MTUS2: variants seen among roughly 807,000 people sequenced by gnomAD.
MTUS2 encodes the protein microtubule associated scaffold protein 2.
In MTUS2, 40 loss-of-function variants were observed where a neutral mutation model predicts 114.1. That is an observed-to-expected ratio of 0.35 (90% CI 0.27 to 0.46). The LOEUF (loss-of-function observed/expected upper bound fraction) is 0.46. MTUS2 is among the 20% of genes least tolerant of loss of function. The pLI, the probability that MTUS2 is intolerant of heterozygous loss-of-function variation, is 1.00. For missense variants in MTUS2, 1,679 were observed against 1,705.4 expected, an observed-to-expected ratio of 0.98 and a Z score of 0.27; for synonymous variants, 688 against 672.0, an observed-to-expected ratio of 1.02 and a Z score of -0.37.
At chr13:28,913,941 G>A (rs2984451) in intron 2 of MTUS2, among the ~76,000 whole-genome samples, 19,373 of 152,120 alleles carry the variant, frequency 0.13, 1,485 homozygotes, top group African/African-American at 0.2. Flanking sequence ...TTGTATTTCT[G>A]TGGGGTCAGT....
intron 5 of MTUS2, among the ~76,000 whole-genome samples, chr13:29,235,443 T>G (rs1896500794): frequency 6.6e-6 from 1 of 152,204 alleles, no homozygotes; most frequent in African/African-American, 2.4e-5. Flanking sequence ...AAAAAAGTTC[T>G]CATTTTAACT....
chr13:28,882,344 G>T lies in MTUS2; in HGVS notation c.-243+42494G>T, dbSNP rs75981303. 4.5e-3 allele frequency among the ~76,000 whole-genome samples: 679 copies of T among 152,064 alleles called. 4 individuals carry two copies. Among genetic ancestry groups the T allele is most frequent in the African/African-American group, 0.016 (649 of 41,464 alleles). ...GTTACAGGTGTGAGCCACCACGCCCGGCCAAAAATTATTTCAAAATTGATC... is the reference window on the plus strand; with the variant it reads ...GTTACAGGTGTGAGCCACCACGCCCTGCCAAAAATTATTTCAAAATTGATC... On this transcript the variant is annotated intron_variant, in intron 2 of 15. Coordinates refer to ENST00000612955, the MANE Select transcript of MTUS2 (RefSeq NM_001033602.4).
chr13:29,228,843 T>C (rs1896214184), intron 5 of MTUS2, among the ~76,000 whole-genome samples: 1 of 152,168 alleles, frequency 6.6e-6, no homozygotes. Context: ...TTTTCTCCCT[T>C]CTTGTAAAAT....
intron 2 of MTUS2, among the ~76,000 whole-genome samples, chr13:28,919,085 C>T (rs1184546415): frequency 6.6e-6 from 1 of 152,038 alleles, no homozygotes; most frequent in Non-Finnish European, 1.5e-5. Flanking sequence ...AGTCTTTCTA[C>T]TTAAGGTAAG....
At chr13:29,222,720 T>G (rs1056522349) in intron 5 of MTUS2, among the ~76,000 whole-genome samples, 6 of 152,208 alleles carry the variant, frequency 3.9e-5, no homozygotes, top group Non-Finnish European at 8.8e-5. Flanking sequence ...CAACCATGGC[T>G]GTGGACCCAG....
intron 5 of MTUS2, among the ~76,000 whole-genome samples, chr13:29,182,743 G>A (rs1363112498): frequency 6.6e-6 from 1 of 152,232 alleles, no homozygotes; most frequent in Non-Finnish European, 1.5e-5. Context: ...ATGAGTTCAG[G>A]AATACCAGAA....
At chr13:29,314,743 A>T (rs1269523396) in intron 6 of MTUS2, among the ~76,000 whole-genome samples, 1 of 152,168 alleles carries the variant, frequency 6.6e-6, no homozygotes, top group Non-Finnish European at 1.5e-5. Flanking sequence ...TTGCAGAATG[A>T]CCTTTCAGAA....
At chr13:28,978,801 G>C (rs1884228879) in intron 2 of MTUS2, among the ~76,000 whole-genome samples, 1 of 152,160 alleles carries the variant, frequency 6.6e-6, no homozygotes, top group African/African-American at 2.4e-5. Flanking sequence ...GTGACGACGG[G>C]TCAGTGGACT....
intron 5 of MTUS2, among the ~76,000 whole-genome samples, chr13:29,274,126 G>A (rs965396402): frequency 6.6e-6 from 1 of 151,776 alleles, no homozygotes; most frequent in Non-Finnish European, 1.5e-5. Context: ...TTGTTTGTTT[G>A]TTTTTGAGAC....
At chr13:29,149,316 A>G (rs1198872799) in intron 5 of MTUS2, among the ~76,000 whole-genome samples, 2 of 152,192 alleles carry the variant, frequency 1.3e-5, no homozygotes, top group Admixed American at 6.5e-5. Flanking sequence ...GGCCGCATGT[A>G]TGTCTTCTTT....
chr13:29,200,521 G>GGTTTTTTTT (rs1309388936), intron 5 of MTUS2, among the ~76,000 whole-genome samples: 1,136 of 85,338 alleles, frequency 0.013, 35 homozygotes, highest in African/African-American at 0.053. Context: ...TTCTTTTTCT[G>GGTTTTTTTT]TTTTTTTTTT....
intron 11 of MTUS2, among the ~76,000 whole-genome samples, chr13:29,491,449 T>G (rs1882073966): frequency 7.3e-6 from 1 of 136,346 alleles, no homozygotes; most frequent in African/African-American, 2.8e-5. Context: ...GTGTAGTGGG[T>G]GTGTGGTGTA....
At chr13:29,155,267 G>T (rs1213682106) in intron 5 of MTUS2, among the ~76,000 whole-genome samples, 2 of 152,220 alleles carry the variant, frequency 1.3e-5, no homozygotes, top group Non-Finnish European at 2.9e-5. Flanking sequence ...CCCAATGGGG[G>T]AAATAAGACT....
intron 5 of MTUS2, among the ~76,000 whole-genome samples, chr13:29,130,389 G>A (rs772473059): frequency 3.3e-5 from 5 of 151,964 alleles, no homozygotes; most frequent in Non-Finnish European, 5.9e-5. Context: ...CTTCTGCCCA[G>A]GCACCGGGCT....
At chr13:29,423,394 T>C (rs1373230621) in intron 8 of MTUS2, among the ~76,000 whole-genome samples, 1 of 152,160 alleles carries the variant, frequency 6.6e-6, no homozygotes, top group Non-Finnish European at 1.5e-5. Flanking sequence ...CTAGCAAGGA[T>C]AGATGACTGC....
At chr13:28,899,120 A>G (rs1006157018) in intron 2 of MTUS2, among the ~76,000 whole-genome samples, 3 of 152,200 alleles carry the variant, frequency 2.0e-5, no homozygotes, top group Admixed American at 6.5e-5. Context: ...GTAATTGTAG[A>G]TTCACATGCA....
chr13:28,986,693 A>G (rs1279779346), intron 2 of MTUS2, among the ~76,000 whole-genome samples: 3 of 152,156 alleles, frequency 2.0e-5, no homozygotes, highest in Non-Finnish European at 4.4e-5. Flanking sequence ...TGGTATTACT[A>G]TTCCCTTTGT....
chr13:28,945,962 C>G (rs1320842853), intron 2 of MTUS2, among the ~76,000 whole-genome samples: 1 of 152,110 alleles, frequency 6.6e-6, no homozygotes, highest in Non-Finnish European at 1.5e-5. Context: ...TTTTAGGACT[C>G]TGAAAGACAG....
intron 5 of MTUS2, among the ~76,000 whole-genome samples, chr13:29,237,707 A>C (rs1413651571): frequency 2.0e-5 from 3 of 152,226 alleles, no homozygotes; most frequent in Non-Finnish European, 4.4e-5. Context: ...TGATTTCAGC[A>C]CAACTTTATA....
Sources: allele counts gnomAD v4.1 joint callset (sites outside exome capture counted in the v4.1 genomes callset), GRCh38; gene constraint gnomAD v4.1.1; transcripts MANE v1.5; gene names NCBI Gene and HGNC (gene_info 2026-07-23, HGNC 2026-07-21).